Variants in MAST2 observed in about 807,000 individuals in gnomAD.
MAST2 encodes microtubule-associated serine/threonine-protein kinase 2.
In MAST2, 70 loss-of-function variants were observed where a neutral mutation model predicts 147.4. That is an observed-to-expected ratio of 0.47 (90% CI 0.39 to 0.58). MAST2 has a LOEUF of 0.58. MAST2 is among the 20% of genes least tolerant of loss of function. The pLI, the probability that MAST2 is intolerant of heterozygous loss-of-function variation, is 0.00. For synonymous variants in MAST2, 869 were observed against 896.8 expected, an observed-to-expected ratio of 0.97 and a Z score of 0.55; for missense variants, 2,080 against 2,302.3, an observed-to-expected ratio of 0.90 and a Z score of 1.98.
chr1:45,855,404 CT>C (rs1384828133), intron 3 of MAST2, among the ~76,000 whole-genome samples: 1 of 150,066 alleles, frequency 6.7e-6, no homozygotes, highest in Non-Finnish European at 1.5e-5. Flanking sequence ...ATTTTTAATT[CT>C]TTTCATCAGC....
chr1:45,896,567 A>T (rs966454463), intron 4 of MAST2, among the ~76,000 whole-genome samples: 3 of 152,080 alleles, frequency 2.0e-5, no homozygotes, highest in Non-Finnish European at 4.4e-5. Flanking sequence ...TGTAGGGTGG[A>T]ACTCTCTCAT....
intron 7 of MAST2, 84 bp from the exon 8 acceptor site, chr1:46,006,157 C>T (rs1350496414): frequency 2.9e-6 from 4 of 1,379,756 alleles, no homozygotes; most frequent in Admixed American, 2.0e-5. Context: ...CTGGGAAGTT[C>T]CCTGACCATT....
At chr1:45,804,738 C>T (rs1644088668) in intron 1 of MAST2, among the ~76,000 whole-genome samples, 1 of 152,164 alleles carries the variant, frequency 6.6e-6, no homozygotes, top group South Asian at 2.1e-4. Context: ...CATGGAGTTT[C>T]TGAATGAACA....
intron 4 of MAST2, among the ~76,000 whole-genome samples, chr1:45,935,239 G>A (rs189101038): frequency 1.3e-5 from 2 of 152,152 alleles, no homozygotes; most frequent in Admixed American, 1.3e-4. Flanking sequence ...TTTTTTAATG[G>A]GGTTATTTGT....
chr1:45,882,537 G>C, intron 4 of MAST2, 142 bp downstream of exon 4: 2 of 623,110 alleles, frequency 3.2e-6, no homozygotes, highest in Non-Finnish European at 5.5e-6. Context: ...AGGGAAGCCA[G>C]CAGGCCAACT....
intron 16 of MAST2, among the ~76,000 whole-genome samples, chr1:46,026,477 G>C (rs1417980336): frequency 6.6e-6 from 1 of 152,182 alleles, no homozygotes; most frequent in Non-Finnish European, 1.5e-5. Context: ...GGGGCCTAGA[G>C]AGTCTTGGAA....
chr1:45,877,880 A>G (rs1646672836), intron 3 of MAST2, among the ~76,000 whole-genome samples: 1 of 152,196 alleles, frequency 6.6e-6, no homozygotes, highest in Non-Finnish European at 1.5e-5. Flanking sequence ...AAAAGATATT[A>G]GCTAATAGAA....
chr1:45,817,214 T>C (rs1431702131), intron 1 of MAST2, among the ~76,000 whole-genome samples: 1 of 152,188 alleles, frequency 6.6e-6, no homozygotes, highest in Non-Finnish European at 1.5e-5. Context: ...AAGATTTCTA[T>C]ATTCAAGTAT....
At chr1:45,813,032 G>C (rs1644349856) in intron 1 of MAST2, among the ~76,000 whole-genome samples, 1 of 152,032 alleles carries the variant, frequency 6.6e-6, no homozygotes, top group South Asian at 2.1e-4. Flanking sequence ...ACTCTGGTAT[G>C]CTCAAGTTCT....
chr1:46,032,783 AGT>A lies in MAST2; in HGVS notation c.3537+66_3537+67del. Reference sequence around the variant, plus strand: ...CCTCAGCCTGTGAGTCTGTGATGGCAGTTAGGGGAGTGGGTGAGTTGGGTGCA... The same window carrying A: ...CCTCAGCCTGTGAGTCTGTGATGGCATAGGGGAGTGGGTGAGTTGGGTGCA... On this transcript the variant is annotated intron_variant, in intron 26 of 28. Transcript: ENST00000361297. 3 of 1,571,540 alleles carry A rather than the reference AGT, an allele frequency of 1.9e-6. No individual in the cohort carries two copies. In the South Asian group the frequency reaches 3.6e-5, roughly 19 times the overall value.
At chr1:45,965,228 A>G (rs1243513040) in intron 5 of MAST2, among the ~76,000 whole-genome samples, 2 of 152,170 alleles carry the variant, frequency 1.3e-5, no homozygotes, top group African/African-American at 4.8e-5. Context: ...GTAGATGTCT[A>G]TTAGGTCCAC....
chr1:45,919,791 GT>G (rs35824370), intron 4 of MAST2, among the ~76,000 whole-genome samples: 267 of 140,596 alleles, frequency 1.9e-3, no homozygotes, highest in Middle Eastern at 3.8e-3. Context: ...TAAATTTCAT[GT>G]TTTTTTTTTT....
chr1:45,889,248 C>T (rs945037422), intron 4 of MAST2, among the ~76,000 whole-genome samples: 4 of 151,722 alleles, frequency 2.6e-5, no homozygotes, highest in Admixed American at 6.6e-5. Flanking sequence ...TACAGTGGTG[C>T]GATCACGGCT....
At chr1:45,884,210 G>A (rs1407495986) in intron 4 of MAST2, among the ~76,000 whole-genome samples, 1 of 151,712 alleles carries the variant, frequency 6.6e-6, no homozygotes, top group African/African-American at 2.4e-5. Context: ...TTTTGATAAA[G>A]TAACTCACAT....
At chr1:45,906,899 A>G (rs1650843049) in intron 4 of MAST2, among the ~76,000 whole-genome samples, 1 of 150,832 alleles carries the variant, frequency 6.6e-6, no homozygotes, top group Admixed American at 6.6e-5. Context: ...TATCTTTTAC[A>G]TGTATTTTTA....
At chr1:46,017,339 CGAAA>C (rs1354786574) in intron 10 of MAST2, among the ~76,000 whole-genome samples, 4 of 152,138 alleles carry the variant, frequency 2.6e-5, no homozygotes, top group African/African-American at 9.7e-5. Context: ...TCTAATTAAA[CGAAA>C]GAGCTGCTGC....
At chr1:45,939,204 G>A (rs1656760814) in intron 4 of MAST2, among the ~76,000 whole-genome samples, 2 of 151,878 alleles carry the variant, frequency 1.3e-5, no homozygotes, top group African/African-American at 4.8e-5. Context: ...TTTATGTATG[G>A]TATGAGGTCA....
intron 10 of MAST2, among the ~76,000 whole-genome samples, chr1:46,012,853 G>C (rs1645771799): frequency 6.6e-6 from 1 of 151,980 alleles, no homozygotes; most frequent in Non-Finnish European, 1.5e-5. Flanking sequence ...ATTTCACCAT[G>C]TTGGCCAGGC....
At chr1:45,999,451 A>C (rs1645186497) in intron 6 of MAST2, among the ~76,000 whole-genome samples, 1 of 152,208 alleles carries the variant, frequency 6.6e-6, no homozygotes, top group South Asian at 2.1e-4. Context: ...CTGGGACACC[A>C]AGACCTGTGG....
Sources: gnomAD v4.1 joint callset for allele counts (sites outside exome capture counted in the v4.1 genomes callset) on GRCh38, gnomAD v4.1.1 for gene constraint, MANE v1.5 for transcripts, NCBI Gene and HGNC (gene_info 2026-07-23, HGNC 2026-07-21) for gene names.